The following NFILZ variants were observed in gnomAD, a reference collection of about 807,000 sequenced individuals.
NFILZ encodes the protein NFIL3 like basic leucine zipper.
At chr19:8,636,404 C>G (rs1429084849) in intron 3 of NFILZ, among the ~76,000 whole-genome samples, 2 of 144,986 alleles carry the variant, frequency 1.4e-5, no homozygotes. Context: ...GCCGAGATTG[C>G]GCCATTGCAC....
chr19:8,652,590 T>C lies in NFILZ; in HGVS notation c.-164+16844T>C, dbSNP rs558532555. Among the ~76,000 whole-genome samples, 9 of 152,340 alleles carry C rather than the reference T, an allele frequency of 5.9e-5. No individual in the cohort carries two copies. In the South Asian group the frequency reaches 1.7e-3, roughly 28 times the overall value. On this transcript the variant is annotated intron_variant, in intron 3 of 5. Coordinates refer to ENST00000691075, the MANE Select transcript of NFILZ (RefSeq NM_001378600.1). ...TAAAGAATGAGGCAAGAAAATAAAA[T>C]GTTACATCATTTTACATCAGTCTTT... is the stretch of plus-strand genomic sequence containing the variant.
At chr19:8,660,552 T>TCTCCTTCCTTCCTTCCTCCCCTCCCTCC (rs1470735693) in intron 3 of NFILZ, among the ~76,000 whole-genome samples, 1 of 149,422 alleles carries the variant, frequency 6.7e-6, no homozygotes, top group East Asian at 2.0e-4. Flanking sequence ...TCTTTCCTTC[T>TCTCCTTCCTTCCTTCCTCCCCTCCCTCC]CTCCTTCCTT....
At chr19:8,632,312 T>G (rs2042874235) in intron 1 of NFILZ, among the ~76,000 whole-genome samples, 164 bp from the exon 2 acceptor site, 1 of 151,794 alleles carries the variant, frequency 6.6e-6, no homozygotes, top group African/African-American at 2.4e-5. Context: ...GTCAGAGACT[T>G]GTGAACCAGA....
chr19:8,665,587 C>A (rs1198470615), intron 3 of NFILZ, among the ~76,000 whole-genome samples: 1 of 152,114 alleles, frequency 6.6e-6, no homozygotes, highest in Admixed American at 6.5e-5. Flanking sequence ...GTGATCCTCT[C>A]ACCTCAGCCT....
At chr19:8,643,779 G>A (rs1555746848) in intron 3 of NFILZ, among the ~76,000 whole-genome samples, 1 of 152,020 alleles carries the variant, frequency 6.6e-6, no homozygotes, top group African/African-American at 2.4e-5. Flanking sequence ...ATCATAGGAT[G>A]TCTCAGCCTC....
At chr19:8,663,001 G>A (rs973864840) in intron 3 of NFILZ, among the ~76,000 whole-genome samples, 1 of 150,144 alleles carries the variant, frequency 6.7e-6, no homozygotes, top group Non-Finnish European at 1.5e-5. Context: ...GGGCTGGTGT[G>A]CAGTGGTGAG....
chr19:8,664,895 C>T (rs536434848), intron 3 of NFILZ, among the ~76,000 whole-genome samples: 8 of 152,052 alleles, frequency 5.3e-5, no homozygotes, highest in Admixed American at 2.0e-4. Context: ...CCCCCTGTGA[C>T]GGGCAGCTCA....
At chr19:8,666,368 G>A (rs1049827773) in intron 3 of NFILZ, among the ~76,000 whole-genome samples, 2 of 151,666 alleles carry the variant, frequency 1.3e-5, no homozygotes, top group African/African-American at 4.8e-5. Context: ...TAGAGACAAG[G>A]TCTCACTATG....
intron 3 of NFILZ, among the ~76,000 whole-genome samples, chr19:8,660,926 C>T (rs2043027426): frequency 6.7e-6 from 1 of 149,374 alleles, no homozygotes. Flanking sequence ...AGGTGTGAGC[C>T]ACCATACCTG....
At chr19:8,634,890 CAAACAAACAAACAAAA>C (rs1460273913) in intron 2 of NFILZ, among the ~76,000 whole-genome samples, 1,764 of 151,126 alleles carry the variant, frequency 0.012, 37 homozygotes, top group African/African-American at 0.041. Flanking sequence ...AACAAACAAA[CAAACAAACAAACAAAA>C]AAACAAAAAA....
At chr19:8,672,876 A>T (rs2043094891) in intron 3 of NFILZ, among the ~76,000 whole-genome samples, 1 of 152,192 alleles carries the variant, frequency 6.6e-6, no homozygotes, top group Non-Finnish European at 1.5e-5. Flanking sequence ...AGATGCTTAT[A>T]CTTTCATAAG....
intron 3 of NFILZ, among the ~76,000 whole-genome samples, chr19:8,656,876 C>T (rs782750438): frequency 9.9e-5 from 15 of 152,034 alleles, no homozygotes; most frequent in Admixed American, 3.9e-4. Flanking sequence ...ATTCTTGGGA[C>T]CTGCTCCAGG....
At chr19:8,659,675 A>G (rs2043020863) in intron 3 of NFILZ, among the ~76,000 whole-genome samples, 1 of 152,170 alleles carries the variant, frequency 6.6e-6, no homozygotes, top group South Asian at 2.1e-4. Context: ...AGTGCTTAGC[A>G]TAGGCAGTGT....
chr19:8,678,030 A>ATCCG lies in NFILZ; in HGVS notation c.*398_*399insGTCC, dbSNP rs1555750915. ...TTAGTCCCTCCATCCTTATCCATCTATCCATCCATCCATCCATCCATCCAC... is the reference window on the plus strand; with the variant it reads ...TTAGTCCCTCCATCCTTATCCATCTATCCGTCCATCCATCCATCCATCCATCCAC... On this transcript the variant is annotated 3_prime_UTR_variant, in exon 6 of 6. Transcript: ENST00000691075. Among the ~76,000 whole-genome samples, 1 of 77,550 alleles carries ATCCG rather than the reference A, an allele frequency of 1.3e-5. No homozygotes were observed. Among genetic ancestry groups the ATCCG allele is most frequent in the Admixed American group, 1.5e-4 (1 of 6,630 alleles). The allele number at this position is 77,550 out of a possible 152,430, so 50.9% of individuals were successfully genotyped here. A position where few individuals can be genotyped will look rare whatever the true frequency, so the allele number is the denominator to read the frequency against.
rs1600151896 is a variant in NFILZ, at chr19:8,663,740, G to GTGTGTGTGTGTATGTGTGTGTA, written c.-163-10800_-163-10799insATGTGTGTGTATGTGTGTGTGT. 6.1e-4 allele frequency among the ~76,000 whole-genome samples: 80 copies of GTGTGTGTGTGTATGTGTGTGTA among 131,730 alleles called. 3 individuals are homozygous for GTGTGTGTGTGTATGTGTGTGTA. Among genetic ancestry groups the GTGTGTGTGTGTATGTGTGTGTA allele is most frequent in the African/African-American group, 2.1e-3 (73 of 34,974 alleles). 86.4% of individuals were successfully genotyped at this position (131,730 alleles called of 152,430 possible). On this transcript the variant is annotated intron_variant, in intron 3 of 5. Transcript: ENST00000691075. Reference sequence around the variant, plus strand: ...TGTGTGTTTGTGTGTGTGTGTGTGTGTGTGTGTGTGTGTGTGTGTGTGTGT... The same window carrying GTGTGTGTGTGTATGTGTGTGTA: ...TGTGTGTTTGTGTGTGTGTGTGTGTGTGTGTGTGTGTATGTGTGTGTATGTGTGTGTGTGTGTGTGTGTGTGT...
chr19:8,648,039 T>A (rs1555747360), intron 3 of NFILZ, among the ~76,000 whole-genome samples: 1 of 151,530 alleles, frequency 6.6e-6, no homozygotes, highest in African/African-American at 2.4e-5. Context: ...CCGGGCATGG[T>A]AGCGGGTGCC....
intron 3 of NFILZ, among the ~76,000 whole-genome samples, chr19:8,655,482 C>T (rs538082225): frequency 3.9e-5 from 6 of 152,296 alleles, no homozygotes; most frequent in South Asian, 4.1e-4. Context: ...GGTGCGGGGA[C>T]ACCCCTGGAG....
At chr19:8,636,066 G>A (rs1296111176) in intron 3 of NFILZ, among the ~76,000 whole-genome samples, 2 of 151,996 alleles carry the variant, frequency 1.3e-5, no homozygotes, top group Non-Finnish European at 2.9e-5. Flanking sequence ...TGAACTCCTG[G>A]CCTCAAGTGT....
At chr19:8,648,552 T>G (rs1568419612) in intron 3 of NFILZ, among the ~76,000 whole-genome samples, 1 of 152,126 alleles carries the variant, frequency 6.6e-6, no homozygotes, top group Non-Finnish European at 1.5e-5. Context: ...GCATGGTGGC[T>G]CATGCCTGTA....
Sources: gnomAD v4.1 joint callset for allele counts (sites outside exome capture counted in the v4.1 genomes callset) on GRCh38, gnomAD v4.1.1 for gene constraint, MANE v1.5 for transcripts, NCBI Gene and HGNC (gene_info 2026-07-23, HGNC 2026-07-21) for gene names.